The following XPO7 variants were observed in gnomAD, a reference collection of about 807,000 sequenced individuals.
The protein encoded by XPO7 is exportin 7.
Under a neutral mutation model 144.3 loss-of-function variants are expected in XPO7, and 21 were observed. The observed-to-expected ratio is 0.15, with a 90% CI of 0.10 to 0.21. The LOEUF (loss-of-function observed/expected upper bound fraction) is 0.21, where lower values mean the gene tolerates loss of function less well. Among genes scored for constraint, XPO7 ranks in the 10% least tolerant of loss-of-function variants. XPO7 has a pLI of 1.00. For missense variants in XPO7, 808 were observed against 1,325.8 expected, an observed-to-expected ratio of 0.61 and a Z score of 6.06; for synonymous variants, 580 against 499.6, an observed-to-expected ratio of 1.16 and a Z score of -2.15.
At chr8:21,948,450 C>T (rs1811263790) in intron 1 of XPO7, among the ~76,000 whole-genome samples, 4 of 152,128 alleles carry the variant, frequency 2.6e-5, no homozygotes. Flanking sequence ...GCAGGTATGC[C>T]ATCTAGATTT....
At chr8:21,986,286 T>C (rs1449226770) in intron 13 of XPO7, among the ~76,000 whole-genome samples, 1 of 152,104 alleles carries the variant, frequency 6.6e-6, no homozygotes, top group African/African-American at 2.4e-5. Context: ...CCCAAGTAGC[T>C]ATGATTACAG....
At chr8:22,000,872 A>G (rs1813118396) in intron 24 of XPO7, among the ~76,000 whole-genome samples, 1 of 152,116 alleles carries the variant, frequency 6.6e-6, no homozygotes, top group Non-Finnish European at 1.5e-5. Context: ...TTGCAAATAC[A>G]CTTTTGGATT....
At chr8:21,987,393 T>A (rs941298009) in intron 14 of XPO7, 117 bp downstream of exon 14, 1 of 1,394,364 alleles carries the variant, frequency 7.2e-7, no homozygotes, top group Non-Finnish European at 9.7e-7. Context: ...AATAGGACAG[T>A]CCAAATGTTT....
chr8:21,932,562 G>A (rs960893498), intron 1 of XPO7, among the ~76,000 whole-genome samples: 1 of 152,272 alleles, frequency 6.6e-6, no homozygotes, highest in Admixed American at 6.5e-5. Flanking sequence ...ATCTTCTAAA[G>A]AAGTACACGT....
Position 22,003,890 on chromosome 8 carries a change from C to T in XPO7, c.3043-13C>T. The T allele has an allele frequency of 1.2e-6, 2 of 1,613,758 alleles. No homozygotes were observed. The highest frequency in any genetic ancestry group is 8.5e-7 in the Non-Finnish European group (1 of 1,179,746). ...TGCTTCTCTAACCTTCTGTTCCACT[C>T]CTTGCCCCACAGTATTTTTCTGACC... On this transcript the variant is annotated splice_polypyrimidine_tract_variant and intron_variant, in intron 26 of 27. Transcript: ENST00000252512.
intron 6 of XPO7, among the ~76,000 whole-genome samples, chr8:21,975,947 G>GC (rs1432850947): frequency 6.6e-6 from 1 of 152,142 alleles, no homozygotes; most frequent in East Asian, 1.9e-4. Context: ...AGAAAGTAGG[G>GC]CAGGGTGTTA....
chr8:22,001,175 G>C (rs1023399935), intron 24 of XPO7, among the ~76,000 whole-genome samples: 6 of 152,038 alleles, frequency 3.9e-5, no homozygotes, highest in African/African-American at 1.4e-4. Context: ...GCGTGGTGGT[G>C]TGTGCCTGTA....
intron 7 of XPO7, among the ~76,000 whole-genome samples, chr8:21,976,916 C>T (rs1194323606): frequency 6.6e-6 from 1 of 152,218 alleles, no homozygotes; most frequent in Non-Finnish European, 1.5e-5. Flanking sequence ...ATCTTGGCCT[C>T]CCAGAGTGCT....
intron 26 of XPO7, 21 bp from the exon 27 acceptor site, chr8:22,003,882 G>T: frequency 6.2e-7 from 1 of 1,613,578 alleles, no homozygotes; most frequent in African/African-American, 1.3e-5. Context: ...CTAACCTTCT[G>T]TTCCACTCCT....
At chr8:22,003,762 G>T (rs1563341707) in intron 26 of XPO7, 141 bp from the exon 27 acceptor site, 1 of 1,258,428 alleles carries the variant, frequency 7.9e-7, no homozygotes. Flanking sequence ...GTGCTTGCCT[G>T]AATTTCTTTT....
intron 1 of XPO7, among the ~76,000 whole-genome samples, chr8:21,957,543 A>C (rs563851127): frequency 6.6e-6 from 1 of 152,024 alleles, no homozygotes; most frequent in East Asian, 1.9e-4. Flanking sequence ...TTCCCTATCT[A>C]TCCTTGTGGG....
At chr8:21,968,073 A>G (rs1338038061) in intron 2 of XPO7, among the ~76,000 whole-genome samples, 1 of 152,192 alleles carries the variant, frequency 6.6e-6, no homozygotes, top group African/African-American at 2.4e-5. Flanking sequence ...ACGCTCTTTC[A>G]CAGATGAAAG....
chr8:21,944,548 C>T (rs898342685), intron 1 of XPO7, among the ~76,000 whole-genome samples: 70 of 152,198 alleles, frequency 4.6e-4, no homozygotes, highest in African/African-American at 1.6e-3. Flanking sequence ...GCCTGGGCGA[C>T]AGAGTGAGAC....
At position 21,999,119 on chromosome 8, in the gene XPO7, C is replaced by T. The variant is rs756441062; in HGVS notation, c.2457C>T (p.Val819=). Residue 819 remains valine, a synonymous_variant, in exon 23 of 28, where the codon GTC becomes GTT. Transcript: ENST00000252512. ...ATCGCATCCTGACACTAGGAGAGGT[C>T]CCAAAGGATCAGGTCTATGCTCTGA... is the stretch of plus-strand genomic sequence containing the variant. The part of the protein sequence containing the change: ...YGNRILTLGE[V]PKDQVYALKL... 1.2e-6 allele frequency: 2 copies of T among 1,613,930 alleles called. No individual in the cohort carries two copies. The highest frequency in any genetic ancestry group is 4.5e-5 in the East Asian group (2 of 44,876).
intron 11 of XPO7, among the ~76,000 whole-genome samples, chr8:21,983,315 G>A (rs1270937775): frequency 6.6e-6 from 1 of 152,188 alleles, no homozygotes; most frequent in African/African-American, 2.4e-5. Context: ...TGACTTAACT[G>A]AACCAAAATC....
At chr8:21,932,990 T>C (rs574050536) in intron 1 of XPO7, among the ~76,000 whole-genome samples, 10 of 152,302 alleles carry the variant, frequency 6.6e-5, no homozygotes, top group African/African-American at 2.4e-4. Context: ...CAAGGAAATA[T>C]TCATTGGCAT....
chr8:21,960,872 T>G (rs1408090572), intron 1 of XPO7, among the ~76,000 whole-genome samples: 1 of 152,218 alleles, frequency 6.6e-6, no homozygotes, highest in Non-Finnish European at 1.5e-5. Context: ...TTCTTTTCCA[T>G]TAGTATTAAA....
intron 1 of XPO7, among the ~76,000 whole-genome samples, chr8:21,931,900 C>T (rs1210330228): frequency 6.6e-6 from 1 of 152,168 alleles, no homozygotes. Flanking sequence ...GAGACGAAGT[C>T]TTGCTCTTGT....
intron 1 of XPO7, among the ~76,000 whole-genome samples, chr8:21,953,835 T>G (rs1811450926): frequency 6.6e-6 from 1 of 152,228 alleles, no homozygotes; most frequent in African/African-American, 2.4e-5. Flanking sequence ...CAGATCTTTT[T>G]GACTTTTTTA....
Sources: allele counts gnomAD v4.1 joint callset (sites outside exome capture counted in the v4.1 genomes callset), GRCh38; gene constraint gnomAD v4.1.1; transcripts MANE v1.5; gene names NCBI Gene and HGNC (gene_info 2026-07-23, HGNC 2026-07-21).